The following ADCY9 variants were observed in gnomAD, a reference collection of about 807,000 sequenced individuals.
ADCY9 encodes the protein adenylate cyclase type 9.
In ADCY9, 50 loss-of-function variants were observed where a neutral mutation model predicts 101.5. That is an observed-to-expected ratio of 0.49 (90% CI 0.39 to 0.62). The LOEUF (loss-of-function observed/expected upper bound fraction) is 0.62. Among genes scored for constraint, ADCY9 ranks in the 20% least tolerant of loss-of-function variants. The probability of loss-of-function intolerance (pLI) is 0.00; values close to 1 mark genes in which losing one functional copy is unlikely to be tolerated. For synonymous variants in ADCY9, 905 were observed against 769.3 expected, an observed-to-expected ratio of 1.18 and a Z score of -2.92; for missense variants, 1,662 against 1,800.4, an observed-to-expected ratio of 0.92 and a Z score of 1.39.
chr16:3,971,539 C>CTG lies in ADCY9; in HGVS notation c.2870+3129_2870+3130insCA, dbSNP rs2056052057. On this transcript the variant is annotated intron_variant, in intron 10 of 10. Transcript: ENST00000294016. ...ATTGAAACAGATGACATTACATATCCTACATCTCAAGTACTAAGCAAAATA... is the reference window on the plus strand; with the variant it reads ...ATTGAAACAGATGACATTACATATCCTGTACATCTCAAGTACTAAGCAAAATA... Among the ~76,000 whole-genome samples the CTG allele has an allele frequency of 9.9e-5, 15 of 152,284 alleles. No homozygotes were observed. In the South Asian group the frequency reaches 3.1e-3, roughly 32 times the overall value.
intron 2 of ADCY9, among the ~76,000 whole-genome samples, chr16:4,066,709 G>A (rs1259050424): frequency 6.6e-6 from 1 of 151,936 alleles, no homozygotes; most frequent in Non-Finnish European, 1.5e-5. Context: ...TTAAAGAGAT[G>A]GGTCATATTG....
intron 2 of ADCY9, among the ~76,000 whole-genome samples, chr16:4,033,888 G>C (rs951230345): frequency 9.2e-5 from 14 of 152,176 alleles, no homozygotes; most frequent in African/African-American, 2.7e-4. Flanking sequence ...GATTAAATGA[G>C]TAAATACTCT....
chr16:4,070,688 G>A (rs994307864), intron 2 of ADCY9, among the ~76,000 whole-genome samples: 1 of 152,110 alleles, frequency 6.6e-6, no homozygotes, highest in Non-Finnish European at 1.5e-5. Context: ...GCTCACACCT[G>A]TAATCCTATC....
chr16:4,099,458 T>G (rs2057028795), intron 2 of ADCY9, among the ~76,000 whole-genome samples: 1 of 152,136 alleles, frequency 6.6e-6, no homozygotes, highest in Admixed American at 6.6e-5. Flanking sequence ...AAGATGAGGG[T>G]AAACTTTAGC....
intron 2 of ADCY9, among the ~76,000 whole-genome samples, chr16:4,102,740 G>C (rs1053930033): frequency 6.7e-6 from 1 of 149,638 alleles, no homozygotes; most frequent in Non-Finnish European, 1.5e-5. Context: ...TTTGTTTTTT[G>C]AGGCAGAGTC....
chr16:4,097,487 T>TATATATATACAC (rs76750792), intron 2 of ADCY9, among the ~76,000 whole-genome samples: 7 of 72,498 alleles, frequency 9.7e-5, no homozygotes, highest in Admixed American at 1.7e-4. Context: ...TATATATATA[T>TATATATATACAC]ACACACACAC....
At chr16:4,028,517 T>C (rs1392326309) in intron 2 of ADCY9, among the ~76,000 whole-genome samples, 2 of 152,176 alleles carry the variant, frequency 1.3e-5, no homozygotes, top group African/African-American at 4.8e-5. Context: ...CAATAGTGCA[T>C]GATTCCAATT....
intron 2 of ADCY9, among the ~76,000 whole-genome samples, chr16:4,036,150 T>C (rs936807514): frequency 6.6e-6 from 1 of 151,062 alleles, no homozygotes; most frequent in East Asian, 1.9e-4. Context: ...TATCTCCTAG[T>C]AGGCTGATTT....
At chr16:4,079,187 T>C (rs2056886677) in intron 2 of ADCY9, among the ~76,000 whole-genome samples, 1 of 152,218 alleles carries the variant, frequency 6.6e-6, no homozygotes, top group East Asian at 1.9e-4. Flanking sequence ...GGAAACAATC[T>C]ACATTTCCAA....
At chr16:4,110,312 G>A (rs2057105456) in intron 2 of ADCY9, among the ~76,000 whole-genome samples, 1 of 151,890 alleles carries the variant, frequency 6.6e-6, no homozygotes, top group Non-Finnish European at 1.5e-5. Flanking sequence ...CTCCTGCAGA[G>A]CTGGGCTTTC....
At chr16:3,954,420 AATGG>A (rs1406489029) in intron 5 of ADCY9, among the ~76,000 whole-genome samples, 2 of 152,186 alleles carry the variant, frequency 1.3e-5, no homozygotes, top group African/African-American at 2.4e-5. Context: ...CCCAGGAGCG[AATGG>A]ATGAAGTTCC....
intron 10 of ADCY9, among the ~76,000 whole-genome samples, chr16:3,971,111 C>T (rs774154237): frequency 1.8e-4 from 27 of 152,106 alleles, no homozygotes; most frequent in Admixed American, 1.4e-3. Flanking sequence ...AATTTAGGCA[C>T]GTGCTGGGCA....
intron 2 of ADCY9, among the ~76,000 whole-genome samples, chr16:4,075,341 G>A (rs2056860301): frequency 6.6e-6 from 1 of 152,144 alleles, no homozygotes; most frequent in East Asian, 1.9e-4. Flanking sequence ...GTTTTGCCAT[G>A]TTGGCCAGGC....
chr16:4,075,305 A>C (rs2056860048), intron 2 of ADCY9, among the ~76,000 whole-genome samples: 1 of 151,990 alleles, frequency 6.6e-6, no homozygotes, highest in Non-Finnish European at 1.5e-5. Context: ...CGCCCAGATA[A>C]TTTTTGTATT....
chr16:3,967,433 C>G (rs1338782360), intron 10 of ADCY9, among the ~76,000 whole-genome samples: 1 of 151,326 alleles, frequency 6.6e-6, no homozygotes, highest in Admixed American at 6.6e-5. Context: ...GGTTGTTGTC[C>G]AGGCTGGAGT....
At position 4,114,670 on chromosome 16, in the gene ADCY9, G is replaced by A; in HGVS notation, c.773C>T (p.Thr258Ile). The A allele has an allele frequency of 6.2e-7, 1 of 1,613,290 alleles. No homozygotes were observed. Among genetic ancestry groups the A allele is most frequent in the Non-Finnish European group, 8.5e-7 (1 of 1,180,042 alleles). Residue 258 changes from threonine to isoleucine, a missense_variant, in exon 2 of 11, where the codon ACC becomes ATC. This residue lies in a region of ADCY9 where 422 missense variants were observed against 392.0 expected (regional missense o/e 1.08). Transcript: ENST00000294016. The surrounding 1 kb of genome is among the most constrained non-coding windows in gnomAD (Gnocchi z 4.3). ...LGVAYSVLFE[T>I]FGYHFRDEAC... is the part of the protein sequence containing the mutation. Reference sequence around the variant, plus strand: ...TTCATCCCGGAAATGGTAGCCAAAGGTCTCGAAAAGGACAGAGTAGGCCAC... The same window carrying A: ...TTCATCCCGGAAATGGTAGCCAAAGATCTCGAAAAGGACAGAGTAGGCCAC...
chr16:4,105,555 C>G (rs1194459798), intron 2 of ADCY9, among the ~76,000 whole-genome samples: 3 of 151,688 alleles, frequency 2.0e-5, no homozygotes, highest in African/African-American at 4.8e-5. Flanking sequence ...TGGCATGCAT[C>G]TGTAATCCCA....
intron 2 of ADCY9, among the ~76,000 whole-genome samples, chr16:4,063,304 A>G (rs903533909): frequency 2.0e-5 from 3 of 152,222 alleles, no homozygotes; most frequent in African/African-American, 7.2e-5. Context: ...GGATGAAAAG[A>G]AAAACACAGC....
At chr16:4,032,172 C>T (rs1567445854) in intron 2 of ADCY9, 1 of 151,998 alleles carries the variant, frequency 6.6e-6, no homozygotes, top group Non-Finnish European at 1.5e-5. Flanking sequence ...GCCTGTAATC[C>T]CAGCTACTCG....
Sources: allele counts gnomAD v4.1 joint callset (sites outside exome capture counted in the v4.1 genomes callset), GRCh38; gene constraint gnomAD v4.1.1; regional missense constraint gnomAD v4.1.1; non-coding constraint Gnocchi (gnomAD v3.1); transcripts MANE v1.5; gene names NCBI Gene and HGNC (gene_info 2026-07-23, HGNC 2026-07-21).